The following ZNF704 variants were observed in gnomAD, a reference collection of about 807,000 sequenced individuals.
ZNF704 encodes the protein glucocorticoid induced gene 1.
A neutral mutation model predicts 44.7 loss-of-function variants in ZNF704; 10 were observed. The observed-to-expected ratio is 0.22, with a 90% CI of 0.14 to 0.38. The LOEUF (loss-of-function observed/expected upper bound fraction) is 0.38, where lower values mean the gene tolerates loss of function less well. ZNF704 is among the 10% of genes least tolerant of loss of function. The probability of loss-of-function intolerance (pLI) is 1.00; values close to 1 mark genes in which losing one functional copy is unlikely to be tolerated. For synonymous variants in ZNF704, 211 were observed against 207.6 expected (o/e 1.02, Z -0.14); for missense variants, 390 against 545.5 (o/e 0.71, Z 2.84).
intron 2 of ZNF704, among the ~76,000 whole-genome samples, chr8:80,732,953 A>T (rs942807176): frequency 1.1e-5 from 1 of 93,558 alleles, no homozygotes; most frequent in Non-Finnish European, 1.9e-5. Context: ...GACCTTGCCT[A>T]AAAAAAAAAA....
At chr8:80,655,940 A>G (rs1168860323) in intron 7 of ZNF704, among the ~76,000 whole-genome samples, 1 of 152,160 alleles carries the variant, frequency 6.6e-6, no homozygotes, top group Non-Finnish European at 1.5e-5. Context: ...ACTAGCTTAT[A>G]CTTGCTTTCC....
At chr8:80,705,339 GGT>G (rs960439758) in intron 2 of ZNF704, among the ~76,000 whole-genome samples, 3 of 151,670 alleles carry the variant, frequency 2.0e-5, no homozygotes, top group Non-Finnish European at 2.9e-5. Flanking sequence ...TGGTGTCCTG[GGT>G]GTGTGTTTCT....
intron 2 of ZNF704, among the ~76,000 whole-genome samples, chr8:80,768,927 T>A (rs1470746150): frequency 6.6e-6 from 1 of 152,212 alleles, no homozygotes; most frequent in African/African-American, 2.4e-5. Flanking sequence ...ATCTAACATG[T>A]ATTTACTGAA....
chr8:80,716,841 T>C (rs1819080089), intron 2 of ZNF704, among the ~76,000 whole-genome samples: 2 of 152,230 alleles, frequency 1.3e-5, no homozygotes. Flanking sequence ...AGGAGCTTTA[T>C]ATTAAATTCT....
intron 1 of ZNF704, among the ~76,000 whole-genome samples, chr8:80,841,760 T>A (rs1808683946): frequency 6.6e-6 from 1 of 152,024 alleles, no homozygotes; most frequent in African/African-American, 2.4e-5. Context: ...ATGCCAGAAA[T>A]TCTATCAATA....
intron 2 of ZNF704, among the ~76,000 whole-genome samples, chr8:80,752,507 A>G (rs1216938759): frequency 1.3e-5 from 2 of 151,730 alleles, no homozygotes; most frequent in Non-Finnish European, 2.9e-5. Context: ...TTATAATGCT[A>G]GCCTGCTCTG....
At chr8:80,702,487 G>T (rs975566069) in intron 2 of ZNF704, among the ~76,000 whole-genome samples, 1 of 152,156 alleles carries the variant, frequency 6.6e-6, no homozygotes, top group Admixed American at 6.5e-5. Flanking sequence ...TGTGAGAGGA[G>T]GCTGCTGGAC....
intron 7 of ZNF704, among the ~76,000 whole-genome samples, chr8:80,654,647 T>C (rs1196718071): frequency 6.6e-6 from 1 of 152,180 alleles, no homozygotes; most frequent in Admixed American, 6.5e-5. Flanking sequence ...TGAGATACCA[T>C]CTCACATCAG....
At chr8:80,710,587 G>T (rs1252398616) in intron 2 of ZNF704, among the ~76,000 whole-genome samples, 1 of 152,116 alleles carries the variant, frequency 6.6e-6, no homozygotes, top group Non-Finnish European at 1.5e-5. Flanking sequence ...GTTTCGATGA[G>T]GTCATGAAGG....
intron 2 of ZNF704, among the ~76,000 whole-genome samples, chr8:80,725,734 C>T (rs968032126): frequency 6.6e-6 from 1 of 152,144 alleles, no homozygotes; most frequent in Non-Finnish European, 1.5e-5. Flanking sequence ...GTGGACCTAG[C>T]TCATGTCTCC....
chr8:80,804,207 G>A (rs1309534290), intron 2 of ZNF704, among the ~76,000 whole-genome samples: 2 of 152,138 alleles, frequency 1.3e-5, no homozygotes, highest in Non-Finnish European at 2.9e-5. Context: ...AGAGAAAAAG[G>A]AATGCTTTTA....
intron 2 of ZNF704, among the ~76,000 whole-genome samples, chr8:80,717,906 T>G (rs1045207793): frequency 3.3e-5 from 5 of 152,212 alleles, no homozygotes; most frequent in African/African-American, 9.6e-5. Flanking sequence ...TAGAACTGTC[T>G]CCTTCTCTCT....
intron 2 of ZNF704, 94 bp downstream of exon 2, chr8:80,821,280 A>G: frequency 7.7e-7 from 1 of 1,293,714 alleles, no homozygotes; most frequent in Non-Finnish European, 1.1e-6. Context: ...TCATATGTCT[A>G]TATACTGAAG....
Position 80,813,739 on chromosome 8 carries a change from C to T in ZNF704, c.221+7635G>A, listed in dbSNP as rs528483274. 2.6e-4 allele frequency among the ~76,000 whole-genome samples: 39 copies of T among 152,054 alleles called. No homozygotes were observed. The East Asian group carries it at 6.6e-3, about 26-fold the overall frequency. ...TAAAAATACAAAAAAATTAGCCAGG[C>T]GTGGTGGTGGGCGCCTGTAGTCCCA... On this transcript the variant is annotated intron_variant, in intron 2 of 8. Coordinates refer to ENST00000327835, the MANE Select transcript of ZNF704 (RefSeq NM_001033723.3).
rs554845091 is a variant in ZNF704 at position 80,786,151 on chromosome 8, T to C, written c.221+35223A>G. ...GGTGACATACACCTGTAGTTCCAGC[T>C]ACTCGGGAGGCTGAAGTGGGAGGAT... On this transcript the variant is annotated intron_variant, in intron 2 of 8. Coordinates refer to ENST00000327835, the MANE Select transcript of ZNF704 (RefSeq NM_001033723.3). Among the ~76,000 whole-genome samples, 15 of 152,276 alleles carry C rather than the reference T, an allele frequency of 9.9e-5. No individual in the cohort carries two copies. The East Asian group carries it at 2.5e-3, about 25-fold the overall frequency.
In ZNF704 at chr8:80,632,380, T is replaced by C. The variant is rs1220426821; in HGVS notation, c.*8986A>G. Reference sequence around the variant, plus strand: ...TCCCTCTTTCTTCTTTTGTTTTCACTCTTTCTTCCTCTGTTGGCCAGGCTG... The same window carrying C: ...TCCCTCTTTCTTCTTTTGTTTTCACCCTTTCTTCCTCTGTTGGCCAGGCTG... On this transcript the variant is annotated 3_prime_UTR_variant, in exon 9 of 9. Coordinates refer to ENST00000327835, the MANE Select transcript of ZNF704 (RefSeq NM_001033723.3). The C allele has an allele frequency of 1.3e-5, 2 of 152,164 alleles. No homozygotes were observed. The highest frequency in any genetic ancestry group is 2.9e-5 in the Non-Finnish European group (2 of 68,056). 9.4% of individuals were successfully genotyped at this position (152,164 alleles called of 1,614,324 possible).
At position 80,849,713 on chromosome 8, in the gene ZNF704, G is replaced by T. The variant is rs1437672329; in HGVS notation, c.-22+24858C>A. 7.2e-5 allele frequency among the ~76,000 whole-genome samples: 11 copies of T among 152,298 alleles called. No individual in the cohort carries two copies. In the South Asian group the frequency reaches 2.3e-3, roughly 32 times the overall value. On this transcript the variant is annotated intron_variant, in intron 1 of 8. Coordinates refer to ENST00000327835, the MANE Select transcript of ZNF704 (RefSeq NM_001033723.3). ...AAGAAAGAATATCATTTGGATTCTG[G>T]CAAGGGTGATGGATTTTCAGGCTCT...
chr8:80,802,209 A>T (rs1807913655), intron 2 of ZNF704, among the ~76,000 whole-genome samples: 1 of 151,252 alleles, frequency 6.6e-6, no homozygotes, highest in African/African-American at 2.4e-5. Context: ...AAAAAAAAAA[A>T]AAAAGCCCAG....
intron 4 of ZNF704, among the ~76,000 whole-genome samples, chr8:80,675,568 TG>T (rs750258439): frequency 3.4e-4 from 52 of 151,826 alleles, no homozygotes; most frequent in African/African-American, 1.2e-3. Flanking sequence ...TGAGAAGAGA[TG>T]GTGGCTTAGA....
Sources: gnomAD v4.1 joint callset for allele counts (sites outside exome capture counted in the v4.1 genomes callset) on GRCh38, gnomAD v4.1.1 for gene constraint, MANE v1.5 for transcripts, NCBI Gene and HGNC (gene_info 2026-07-23, HGNC 2026-07-21) for gene names.